The following CNTNAP5 variants were observed in gnomAD, a reference collection of about 807,000 sequenced individuals.
The protein encoded by CNTNAP5 is contactin associated protein family member 5.
A neutral mutation model predicts 150.2 loss-of-function variants in CNTNAP5; 72 were observed. That is an observed-to-expected ratio of 0.48 (90% confidence interval 0.40 to 0.58). The LOEUF (loss-of-function observed/expected upper bound fraction) is 0.58, where lower values mean the gene tolerates loss of function less well. Among genes scored for constraint, CNTNAP5 ranks in the 20% least tolerant of loss-of-function variants. CNTNAP5 has a pLI of 0.00. For synonymous variants in CNTNAP5, 672 were observed against 619.8 expected, an observed-to-expected ratio of 1.08 and a Z score of -1.25; for missense variants, 1,636 against 1,626.2, an observed-to-expected ratio of 1.01 and a Z score of -0.10.
chr2:124,130,046 A>G (rs1002175888), intron 1 of CNTNAP5, among the ~76,000 whole-genome samples: 3 of 152,154 alleles, frequency 2.0e-5, no homozygotes, highest in Non-Finnish European at 4.4e-5. Flanking sequence ...CAATTTGCCA[A>G]ATTCAAAGCC....
intron 5 of CNTNAP5, among the ~76,000 whole-genome samples, chr2:124,435,986 C>T (rs1415994109): frequency 6.6e-6 from 1 of 152,022 alleles, no homozygotes; most frequent in Non-Finnish European, 1.5e-5. Flanking sequence ...TTGTAATTAC[C>T]ATAACTAAAG....
chr2:124,792,889 T>TTC (rs1355600849), intron 18 of CNTNAP5, among the ~76,000 whole-genome samples: 3 of 152,208 alleles, frequency 2.0e-5, no homozygotes, highest in African/African-American at 7.2e-5. Context: ...CAAAGAGTGT[T>TTC]GCGCAGTGTG....
At position 124,790,086 on chromosome 2, in the gene CNTNAP5, T is replaced by C. The variant is rs1681692598; in HGVS notation, c.2937T>C (p.Asn979=). Residue 979 remains asparagine (N), a synonymous_variant, in exon 18 of 24, where the codon AAT becomes AAC. Transcript: ENST00000682447. Reference sequence around the variant, plus strand: ...GGGGCAAGTGTGTGGAGAAGCACAATGGCTACCTGTGTGATTGCACCAATT... The same window carrying C: ...GGGGCAAGTGTGTGGAGAAGCACAACGGCTACCTGTGTGATTGCACCAATT... ...HNGGKCVEKH[N]GYLCDCTNSP... 1 of 1,613,860 alleles carries C rather than the reference T, an allele frequency of 6.2e-7. No individual in the cohort carries two copies. Among genetic ancestry groups the C allele is most frequent in the Non-Finnish European group, 8.5e-7 (1 of 1,179,840 alleles).
intron 21 of CNTNAP5, among the ~76,000 whole-genome samples, chr2:124,870,966 C>G (rs746644822): frequency 3.3e-5 from 5 of 152,010 alleles, no homozygotes; most frequent in Non-Finnish European, 5.9e-5. Flanking sequence ...AGAAACCTAG[C>G]TGAAGTAGGG....
chr2:124,826,589 C>A (rs1682597378), intron 19 of CNTNAP5, among the ~76,000 whole-genome samples: 1 of 152,144 alleles, frequency 6.6e-6, no homozygotes, highest in East Asian at 1.9e-4. Context: ...TCTGGACCAA[C>A]AGAAGGAGCT....
At chr2:124,168,450 G>T (rs1684856073) in intron 1 of CNTNAP5, among the ~76,000 whole-genome samples, 1 of 152,188 alleles carries the variant, frequency 6.6e-6, no homozygotes, top group Non-Finnish European at 1.5e-5. Flanking sequence ...TCACCCAAAT[G>T]ACTCCATTTG....
intron 12 of CNTNAP5, among the ~76,000 whole-genome samples, chr2:124,631,868 C>CG (rs757197847): frequency 3.9e-4 from 59 of 152,096 alleles, no homozygotes; most frequent in Non-Finnish European, 7.7e-4. Flanking sequence ...CTTAAGCAAA[C>CG]TCACAAGAAA....
At chr2:124,575,701 G>A (rs991438815) in intron 11 of CNTNAP5, among the ~76,000 whole-genome samples, 1 of 152,192 alleles carries the variant, frequency 6.6e-6, no homozygotes, top group African/African-American at 2.4e-5. Flanking sequence ...TCTGGCATTA[G>A]GTTGAGCTCC....
intron 12 of CNTNAP5, among the ~76,000 whole-genome samples, chr2:124,618,958 G>C (rs1364089128): frequency 6.6e-6 from 1 of 152,050 alleles, no homozygotes; most frequent in Admixed American, 6.6e-5. Context: ...AACACACACT[G>C]AATAAGATAT....
chr2:124,276,235 CAGAGGAAATAAGAAATAA>C (rs1439864600), intron 3 of CNTNAP5, among the ~76,000 whole-genome samples: 1 of 152,054 alleles, frequency 6.6e-6, no homozygotes, highest in East Asian at 1.9e-4. Flanking sequence ...TTAACAATTT[CAGAGGAAATAAGAAATAA>C]AGAGGAAAGA....
intron 8 of CNTNAP5, among the ~76,000 whole-genome samples, chr2:124,515,999 G>A (rs1694706839): frequency 1.3e-5 from 2 of 152,158 alleles, no homozygotes; most frequent in African/African-American, 2.4e-5. Flanking sequence ...CTATCAGAAA[G>A]AGACAGGAGG....
chr2:124,459,365 C>A (rs999994951), intron 6 of CNTNAP5, among the ~76,000 whole-genome samples: 1 of 152,184 alleles, frequency 6.6e-6, no homozygotes, highest in African/African-American at 2.4e-5. Flanking sequence ...TGTTTCTCAT[C>A]ACCTCTCAGA....
rs926213435 is a variant in CNTNAP5 at position 124,434,366 on chromosome 2, G to T, written c.530-118G>T. 17 of 778,812 alleles carry T rather than the reference G, an allele frequency of 2.2e-5. No homozygotes were observed. In the African/African-American group the frequency reaches 2.9e-4, roughly 13 times the overall value. The allele number at this position is 778,812 out of a possible 1,614,324, so 48.2% of individuals were successfully genotyped here. A position where few individuals can be genotyped will look rare whatever the true frequency, so the allele number is the denominator to read the frequency against. The stretch of plus-strand genomic sequence containing the variant: ...GTCTACATGTTTCCTGTTGAGACTA[G>T]ACCTGGCAGATCTCAAGAACATTTC... On this transcript the variant is annotated intron_variant, in intron 4 of 23. Transcript: ENST00000682447.
chr2:124,828,788 A>G (rs909715972), intron 19 of CNTNAP5, among the ~76,000 whole-genome samples: 1 of 144,686 alleles, frequency 6.9e-6, no homozygotes, highest in Non-Finnish European at 1.5e-5. Flanking sequence ...CACTTAAATC[A>G]TTAAAGTAAG....
chr2:124,729,240 T>C (rs938346926), intron 13 of CNTNAP5, among the ~76,000 whole-genome samples: 2 of 152,108 alleles, frequency 1.3e-5, no homozygotes, highest in African/African-American at 4.8e-5. Context: ...ATTCCATGTA[T>C]ATGCATTTCT....
At chr2:124,194,003 A>C (rs1480346079) in intron 1 of CNTNAP5, among the ~76,000 whole-genome samples, 2 of 152,082 alleles carry the variant, frequency 1.3e-5, no homozygotes, top group Non-Finnish European at 2.9e-5. Flanking sequence ...AAGTGACCTA[A>C]TCAACCTTAG....
intron 3 of CNTNAP5, among the ~76,000 whole-genome samples, chr2:124,283,513 T>C (rs1688069001): frequency 6.6e-6 from 1 of 152,162 alleles, no homozygotes; most frequent in African/African-American, 2.4e-5. Context: ...AAGCCAACTC[T>C]GGTTGCAGAG....
chr2:124,570,760 T>C (rs1201465773), intron 11 of CNTNAP5, among the ~76,000 whole-genome samples: 1 of 152,184 alleles, frequency 6.6e-6, no homozygotes, highest in Non-Finnish European at 1.5e-5. Flanking sequence ...GGACCTGATA[T>C]GAAAGGCATA....
chr2:124,905,750 G>A lies in CNTNAP5; in HGVS notation c.3655+2650G>A, dbSNP rs529182440. Among the ~76,000 whole-genome samples, 5 of 152,262 alleles carry A rather than the reference G, an allele frequency of 3.3e-5. No homozygotes were observed. The East Asian group carries it at 9.7e-4, about 29-fold the overall frequency. On this transcript the variant is annotated intron_variant, in intron 22 of 23. Coordinates refer to ENST00000682447, the MANE Select transcript of CNTNAP5 (RefSeq NM_001367498.1). Reference sequence around the variant, plus strand: ...GGGGAAAGTGTGGTGGGGTGGCTGTGTTGCAGCTTCCATGGGAAGGAATGG... The same window carrying A: ...GGGGAAAGTGTGGTGGGGTGGCTGTATTGCAGCTTCCATGGGAAGGAATGG...
Sources: gnomAD v4.1 joint callset for allele counts (sites outside exome capture counted in the v4.1 genomes callset) on GRCh38, gnomAD v4.1.1 for gene constraint, MANE v1.5 for transcripts, NCBI Gene and HGNC (gene_info 2026-07-23, HGNC 2026-07-21) for gene names.